ITFG2: variants seen among roughly 807,000 people sequenced by gnomAD.
ITFG2 encodes the protein integrin alpha FG-GAP repeat containing 2.
ITFG2 carries 36 observed loss-of-function variants against 54.4 expected under a neutral mutation model. The ratio of observed to expected loss-of-function variants is 0.66; its 90% CI spans 0.51 to 0.87. The LOEUF is 0.87. Among genes scored for constraint, ITFG2 ranks in the 40% least tolerant of loss-of-function variants. The probability of loss-of-function intolerance (pLI) is 0.00; values close to 1 mark genes in which losing one functional copy is unlikely to be tolerated. For synonymous variants in ITFG2, 211 were observed against 225.4 expected (o/e 0.94, Z 0.57); for missense variants, 524 against 576.7 (o/e 0.91, Z 0.94).
At chr12:2,837,667 A>G (rs537482050) in intron 1 of ITFG2, among the ~76,000 whole-genome samples, 1 of 152,032 alleles carries the variant, frequency 6.6e-6, no homozygotes, top group South Asian at 2.1e-4. Context: ...CAAAAACAAA[A>G]CAAAATTAAA....
At chr12:2,848,521 G>A (rs1339136340) in intron 2 of ITFG2, among the ~76,000 whole-genome samples, 1 of 152,200 alleles carries the variant, frequency 6.6e-6, no homozygotes, top group Non-Finnish European at 1.5e-5. Context: ...ACAGGGTGTG[G>A]AGAGGCCGCT....
intron 2 of ITFG2, chr12:2,849,436 C>G (rs1459829748): frequency 1.3e-6 from 2 of 1,536,160 alleles, no homozygotes; most frequent in Non-Finnish European, 1.7e-6. Context: ...TGGGCAGGGC[C>G]AGCTCCTGGC....
At position 2,820,147 on chromosome 12, in the gene ITFG2, C is replaced by T; in HGVS notation, c.468C>T (p.Arg156=). ...CAGACCGTGTGGTGCGAGCTTTCCGCTGGGAGGAGCTAGGTGAGGGTCCTG... is the reference window on the plus strand; with the variant it reads ...CAGACCGTGTGGTGCGAGCTTTCCGTTGGGAGGAGCTAGGTGAGGGTCCTG... The part of the protein sequence containing the change: ...GYTDRVVRAF[R]WEELGEGPEH... The change falls in exon 5 of 12, where the codon CGC becomes CGT. Residue 156 remains arginine, a synonymous_variant. Transcript: ENST00000228799. The T allele has an allele frequency of 6.2e-7, 1 of 1,613,964 alleles. No homozygotes were observed. The highest frequency in any genetic ancestry group is 8.5e-7 in the Non-Finnish European group (1 of 1,179,946).
At chr12:2,825,169 C>T (rs1375335376), downstream of ITFG2, 3 of 152,278 alleles carry the variant, frequency 2.0e-5, no homozygotes, top group South Asian at 6.2e-4. Context: ...CTGTGGTAAG[C>T]TGTGGTCGAG....
At chr12:2,827,176 C>G, downstream of ITFG2, 2 of 1,613,830 alleles carry the variant, frequency 1.2e-6, no homozygotes, top group Non-Finnish European at 1.7e-6. This position sits in a 1 kb window ranked among gnomAD's most constrained non-coding sequence, Gnocchi z 4.0. Flanking sequence ...AAGGCAAGGT[C>G]TTTCCCTCTG....
At chr12:2,834,610 G>T, upstream of ITFG2, 1 of 1,542,012 alleles carries the variant, frequency 6.5e-7, no homozygotes, top group Non-Finnish European at 8.7e-7. Context: ...AAAAGGCCAG[G>T]GGACGCTGGC....
At chr12:2,859,205 GAGCTCTGCGGCCC>G in intron 3 of ITFG2, 1 of 1,611,968 alleles carries the variant, frequency 6.2e-7, no homozygotes, top group Non-Finnish European at 8.5e-7. Context: ...CTGGGAACGG[GAGCTCTGCGGCCC>G]AGCGGGAAGT....
intron 2 of ITFG2, among the ~76,000 whole-genome samples, chr12:2,855,962 A>G (rs912246868): frequency 6.6e-6 from 1 of 152,124 alleles, no homozygotes; most frequent in Non-Finnish European, 1.5e-5. Flanking sequence ...TTTGTCCGTC[A>G]CTGACGCTTT....
chr12:2,819,266 C>T (rs1230332636), intron 4 of ITFG2, among the ~76,000 whole-genome samples: 1 of 152,012 alleles, frequency 6.6e-6, no homozygotes, highest in Admixed American at 6.5e-5. Flanking sequence ...AGACCGAGAC[C>T]ATCCTGGCTA....
At chr12:2,812,978 G>A (rs1423134999) in intron 1 of ITFG2, 122 bp downstream of exon 1, 1 of 769,156 alleles carries the variant, frequency 1.3e-6, no homozygotes, top group Non-Finnish European at 2.2e-6. Flanking sequence ...CTAGTTTGGA[G>A]CGCTAGAGAG....
chr12:2,858,901 G>A, intron 3 of ITFG2: 2 of 1,614,028 alleles, frequency 1.2e-6, no homozygotes, highest in Non-Finnish European at 1.7e-6. Flanking sequence ...TCTGAACTGA[G>A]GAGCCTTTGC....
intron 5 of ITFG2, 42 bp from the exon 6 acceptor site, chr12:2,820,678 ACTTC>A (rs1319055620): frequency 8.5e-7 from 1 of 1,170,890 alleles, no homozygotes; most frequent in East Asian, 5.6e-5. Flanking sequence ...GCAGGGACCC[ACTTC>A]CTTCTCTCTC....
At chr12:2,836,017 C>G (rs895987799), upstream of ITFG2, among the ~76,000 whole-genome samples, 1 of 152,210 alleles carries the variant, frequency 6.6e-6, no homozygotes, top group African/African-American at 2.4e-5. Flanking sequence ...GCATGCATGA[C>G]ATTGAGGAAA....
downstream of ITFG2, among the ~76,000 whole-genome samples, chr12:2,829,220 G>T (rs1035607992): frequency 1.3e-5 from 2 of 152,178 alleles, no homozygotes; most frequent in African/African-American, 4.8e-5. Flanking sequence ...TGGAATCCCT[G>T]TTAGGAAACT....
chr12:2,853,768 A>G (rs1163797873), intron 2 of ITFG2, among the ~76,000 whole-genome samples: 2 of 152,026 alleles, frequency 1.3e-5, no homozygotes, highest in Non-Finnish European at 2.9e-5. Flanking sequence ...ACAGTTGGGA[A>G]GCATCCGTGA....
At chr12:2,836,870 G>A (rs538111038) in exon 1 of ITFG2, 1 of 152,446 alleles carries the variant, frequency 6.6e-6, no homozygotes, top group Admixed American at 6.5e-5. Context: ...AGCCAGGGGA[G>A]AGGCGTGGAA....
At chr12:2,828,114 G>T, downstream of ITFG2, 3 of 1,439,734 alleles carry the variant, frequency 2.1e-6, no homozygotes, top group Non-Finnish European at 2.9e-6. Context: ...TTAATCAGCA[G>T]GTGTCCCTCT....
Position 2,823,960 on chromosome 12 carries a change from C to G in ITFG2, c.1240+17C>G, listed in dbSNP as rs189070495. On this transcript the variant is annotated intron_variant, in intron 11 of 11. Coordinates refer to ENST00000228799, the MANE Select transcript of ITFG2 (RefSeq NM_018463.4). Reference sequence around the variant, plus strand: ...TGGGCGTGGGTGAGTCCCAGAAAAGCCAGTGGCCCGAGTGCCCAGGAGACC... The same window carrying G: ...TGGGCGTGGGTGAGTCCCAGAAAAGGCAGTGGCCCGAGTGCCCAGGAGACC... The G allele has an allele frequency of 1.2e-6, 2 of 1,611,724 alleles. No individual in the cohort carries two copies. The highest frequency in any genetic ancestry group is 1.1e-5 in the South Asian group (1 of 90,636).
downstream of ITFG2, chr12:2,827,268 C>T (rs1202944850): frequency 4.3e-6 from 7 of 1,614,060 alleles, no homozygotes; most frequent in East Asian, 2.2e-5. The surrounding 1 kb of genome is among the most constrained non-coding windows in gnomAD (Gnocchi z 4.0). Context: ...GGCTTTCAGC[C>T]GCAGCACTCC....
Sources: allele counts gnomAD v4.1 joint callset (sites outside exome capture counted in the v4.1 genomes callset), GRCh38; gene constraint gnomAD v4.1.1; non-coding constraint Gnocchi (gnomAD v3.1); transcripts MANE v1.5; gene names NCBI Gene and HGNC (gene_info 2026-07-23, HGNC 2026-07-21).